Variants in HTR4 observed in about 807,000 individuals in gnomAD.
HTR4 encodes 5-hydroxytryptamine (serotonin) receptor 4, G protein-coupled.
Under a neutral mutation model 36.8 loss-of-function variants are expected in HTR4, and 16 were observed. The ratio of observed to expected loss-of-function variants is 0.43; its 90% confidence interval spans 0.29 to 0.66. The LOEUF is 0.66. HTR4 is among the 30% of genes least tolerant of loss of function. HTR4 has a pLI of 0.13. For missense variants in HTR4, 438 were observed against 490.9 expected (o/e 0.89, Z 1.02); for synonymous variants, 189 against 185.1 (o/e 1.02, Z -0.17).
At chr5:148,483,673 A>G (rs1581361447) in intron 6 of HTR4, among the ~76,000 whole-genome samples, 1 of 152,124 alleles carries the variant, frequency 6.6e-6, no homozygotes, top group East Asian at 1.9e-4. Context: ...TATTCCCCAT[A>G]ATGGGCACTG....
At chr5:148,547,728 T>A (rs1359162173) in intron 4 of HTR4, among the ~76,000 whole-genome samples, 1 of 151,644 alleles carries the variant, frequency 6.6e-6, no homozygotes, top group East Asian at 1.9e-4. Context: ...CTTGTCCCTA[T>A]AAAAAATAAA....
intron 2 of HTR4, among the ~76,000 whole-genome samples, chr5:148,608,998 G>A (rs1003995869): frequency 6.6e-6 from 1 of 152,092 alleles, no homozygotes. Context: ...AACAGACAAG[G>A]GACTGGTTCA....
At chr5:148,647,054 T>C (rs1692796404) in intron 1 of HTR4, among the ~76,000 whole-genome samples, 1 of 152,208 alleles carries the variant, frequency 6.6e-6, no homozygotes, top group Non-Finnish European at 1.5e-5. Context: ...TCAATTTTGC[T>C]CTTGGCATCA....
intron 2 of HTR4, among the ~76,000 whole-genome samples, chr5:148,627,998 T>C (rs1393191067): frequency 6.6e-6 from 1 of 152,198 alleles, no homozygotes; most frequent in Non-Finnish European, 1.5e-5. Flanking sequence ...TGAAAGGTAA[T>C]GTGATAGTTC....
At chr5:148,457,956 T>TA (rs1561558661) in intron 5 of HTR4, among the ~76,000 whole-genome samples, 4 of 130,084 alleles carry the variant, frequency 3.1e-5, no homozygotes, top group African/African-American at 1.1e-4. Flanking sequence ...ATATTAAATA[T>TA]ATATTAAAAT....
At chr5:148,606,582 T>C (rs1752172044) in intron 2 of HTR4, among the ~76,000 whole-genome samples, 1 of 152,230 alleles carries the variant, frequency 6.6e-6, no homozygotes, top group Admixed American at 6.5e-5. Flanking sequence ...AGCACTATTA[T>C]ATATTCAGTA....
intron 2 of HTR4, among the ~76,000 whole-genome samples, chr5:148,554,491 G>T (rs949987025): frequency 6.6e-6 from 1 of 152,316 alleles, no homozygotes; most frequent in Non-Finnish European, 1.5e-5. Flanking sequence ...CCACTTACAT[G>T]AGGATTCTAG....
At chr5:148,472,382 G>A (rs1755590469), downstream of HTR4, among the ~76,000 whole-genome samples, 1 of 152,128 alleles carries the variant, frequency 6.6e-6, no homozygotes, top group Admixed American at 6.5e-5. Context: ...TAATTAGGTT[G>A]TTTCATTTCT....
At chr5:148,509,035 C>T (rs1757361120) in intron 6 of HTR4, among the ~76,000 whole-genome samples, 1 of 152,114 alleles carries the variant, frequency 6.6e-6, no homozygotes, top group African/African-American at 2.4e-5. Flanking sequence ...AACCACTACT[C>T]TAAAGTAACA....
At chr5:148,520,871 C>T in intron 5 of HTR4, 1 of 1,367,278 alleles carries the variant, frequency 7.3e-7, no homozygotes, top group Non-Finnish European at 9.8e-7. Context: ...ATTCACTCTT[C>T]TGCCTCCGGC....
At chr5:148,562,141 A>T (rs936667145) in intron 2 of HTR4, among the ~76,000 whole-genome samples, 1 of 152,244 alleles carries the variant, frequency 6.6e-6, no homozygotes. Flanking sequence ...ATAAAGTCCT[A>T]GTGGAACACA....
intron 6 of HTR4, among the ~76,000 whole-genome samples, chr5:148,505,292 T>G (rs1380454635): frequency 6.6e-6 from 1 of 152,180 alleles, no homozygotes; most frequent in Admixed American, 6.5e-5. Flanking sequence ...TCTCAATAGA[T>G]GCAGAAAAGG....
intron 4 of HTR4, among the ~76,000 whole-genome samples, chr5:148,545,266 T>A (rs1053162767): frequency 1.3e-5 from 2 of 152,230 alleles, no homozygotes; most frequent in Non-Finnish European, 2.9e-5. Context: ...GTTTTTGACA[T>A]ACACTGTCAG....
chr5:148,616,514 T>C (rs1752695329), intron 2 of HTR4, among the ~76,000 whole-genome samples: 2 of 152,170 alleles, frequency 1.3e-5, no homozygotes, highest in South Asian at 4.2e-4. Context: ...CTCCTCTCCC[T>C]TGTGATCAGT....
intron 2 of HTR4, among the ~76,000 whole-genome samples, chr5:148,626,162 T>C (rs971220779): frequency 6.6e-6 from 1 of 152,216 alleles, no homozygotes; most frequent in Non-Finnish European, 1.5e-5. Flanking sequence ...ACATTTGAAG[T>C]TACAAATAGA....
At chr5:148,545,780 A>G (rs1561610101) in intron 4 of HTR4, among the ~76,000 whole-genome samples, 1 of 152,164 alleles carries the variant, frequency 6.6e-6, no homozygotes, top group Non-Finnish European at 1.5e-5. Flanking sequence ...TGGACAGGAA[A>G]CAGAGGGTGA....
intron 6 of HTR4, among the ~76,000 whole-genome samples, chr5:148,496,693 G>C (rs138452141): frequency 1.8e-4 from 28 of 152,272 alleles, no homozygotes; most frequent in African/African-American, 6.7e-4. Context: ...CTGCTCAGAT[G>C]GGAAGCTTCT....
intron 2 of HTR4, among the ~76,000 whole-genome samples, chr5:148,556,064 C>T (rs924463624): frequency 1.3e-5 from 2 of 152,112 alleles, no homozygotes; most frequent in Non-Finnish European, 2.9e-5. Context: ...TGCCCTGTCC[C>T]CCAAGCTGGA....
At chr5:148,548,536 T>C in intron 4 of HTR4, 132 bp downstream of exon 4, 1 of 795,610 alleles carries the variant, frequency 1.3e-6, no homozygotes, top group Non-Finnish European at 2.0e-6. Context: ...AATGACTGTA[T>C]AACTGAATTA....
Sources: gnomAD v4.1 joint callset for allele counts (sites outside exome capture counted in the v4.1 genomes callset) on GRCh38, gnomAD v4.1.1 for gene constraint, MANE v1.5 for transcripts, NCBI Gene and HGNC (gene_info 2026-07-23, HGNC 2026-07-21) for gene names.